DNAH2: variants seen among roughly 807,000 people sequenced by gnomAD.
DNAH2 encodes the protein dynein axonemal heavy chain 2, also known as axonemal beta dynein heavy chain 2.
DNAH2 carries 323 observed loss-of-function variants against 523.5 expected under a neutral mutation model. The ratio of observed to expected loss-of-function variants is 0.62; its 90% CI spans 0.56 to 0.68. The LOEUF is 0.68. Ranked by LOEUF, DNAH2 falls within the 30% of genes least tolerant of loss-of-function variation. The pLI, the probability that DNAH2 is intolerant of heterozygous loss-of-function variation, is 0.00. For missense variants in DNAH2, 4,907 were observed against 5,701.5 expected (o/e 0.86, Z 4.49); for synonymous variants, 2,093 against 2,177.4 (o/e 0.96, Z 1.08).
Position 7,792,844 on chromosome 17 carries a change from A to C in DNAH2, c.7333A>C (p.Met2445Leu). The change falls in exon 47 of 86, where the codon ATG (methionine) becomes CTG (leucine). Residue 2445 changes from methionine (M) to leucine (L), a missense_variant. Around this residue, in one of 3 missense-constraint regions of DNAH2, gnomAD observed 2,806 missense variants for 3,190.8 expected, o/e 0.88. Coordinates refer to ENST00000572933, the MANE Select transcript of DNAH2 (RefSeq NM_020877.5). Reference sequence around the variant, plus strand: ...CCAGTGGTCGGTGCTCGTTGTCAACATGTCCGCACAGGTGTGTCGGGGATC... The same window carrying C: ...CCAGTGGTCGGTGCTCGTTGTCAACCTGTCCGCACAGGTGTGTCGGGGATC... ...SSQWSVLVVN[M>L]SAQTTSNNVQ... is the part of the protein sequence containing the mutation. 6.2e-7 allele frequency: 1 copy of C among 1,613,916 alleles called. No homozygotes were observed. The highest frequency in any genetic ancestry group is 1.1e-5 in the South Asian group (1 of 91,084).
At chr17:7,803,648 T>TGACA (rs1294695858) in intron 58 of DNAH2, among the ~76,000 whole-genome samples, 1 of 149,328 alleles carries the variant, frequency 6.7e-6, no homozygotes, top group African/African-American at 2.5e-5. Context: ...CCAGCCTGGG[T>TGACA]GACAGATCGA....
At position 7,792,822 on chromosome 17, in the gene DNAH2, G is replaced by C; in HGVS notation, c.7311G>C (p.Gln2437His). ...QSVLQSLPSS[Q>H]WSVLVVNMSA... ...TTCTGCAGTCCCTGCCCTCCAGCCA[G>C]TGGTCGGTGCTCGTTGTCAACATGT... Residue 2437 changes from glutamine (Q) to histidine (H), a missense_variant, in exon 47 of 86, where the codon CAG (glutamine) becomes CAC (histidine). This residue lies in a region of DNAH2 where 2,806 missense variants were observed against 3,190.8 expected (regional missense o/e 0.88). Transcript: ENST00000572933. The C allele has an allele frequency of 1.9e-6, 3 of 1,614,202 alleles. No homozygotes were observed. In the South Asian group the frequency reaches 3.3e-5, roughly 18 times the overall value.
chr17:7,805,447 C>T (rs1597721955), intron 61 of DNAH2, 54 bp downstream of exon 61: 4 of 1,608,960 alleles, frequency 2.5e-6, no homozygotes, highest in South Asian at 1.1e-5. Flanking sequence ...GTTTATTGAT[C>T]GTCGGCTGTG....
chr17:7,811,013 G>A (rs912098958), intron 63 of DNAH2, among the ~76,000 whole-genome samples: 1 of 152,206 alleles, frequency 6.6e-6, no homozygotes, highest in South Asian at 2.1e-4. Context: ...AAATGGGTCA[G>A]AACAGAATCT....
chr17:7,780,996 T>C lies in DNAH2; in HGVS notation c.6004-46T>C, dbSNP rs372032903. 5.0e-6 allele frequency: 8 copies of C among 1,612,936 alleles called. No homozygotes were observed. Among genetic ancestry groups the C allele is most frequent in the Admixed American group, 1.7e-5 (1 of 60,008 alleles). ...CGAAGCCCTTTGGAGGTGAAAGGCCTAGGCCCTGCCTCCTCAAGCCTGAGT... is the reference window on the plus strand; with the variant it reads ...CGAAGCCCTTTGGAGGTGAAAGGCCCAGGCCCTGCCTCCTCAAGCCTGAGT... On this transcript the variant is annotated intron_variant, in intron 38 of 85. Coordinates refer to ENST00000572933, the MANE Select transcript of DNAH2 (RefSeq NM_020877.5). The surrounding 1 kb of genome is among the most constrained non-coding windows in gnomAD (Gnocchi z 4.4).
intron 52 of DNAH2, 25 bp from the exon 53 acceptor site, chr17:7,797,655 C>G (rs757126125): frequency 1.2e-6 from 2 of 1,614,042 alleles, no homozygotes; most frequent in Non-Finnish European, 1.7e-6. Flanking sequence ...ATTTGTGACT[C>G]TGATCCCCTC....
At chr17:7,787,233 G>GA (rs1482212508) in intron 42 of DNAH2, 200 bp downstream of exon 42, 1 of 687,930 alleles carries the variant, frequency 1.5e-6, no homozygotes. Flanking sequence ...ACAATGATAA[G>GA]AAAAACACCC....
Position 7,831,663 on chromosome 17 carries a change from T to G in DNAH2, c.12614T>G (p.Phe4205Cys). The G allele has an allele frequency of 6.2e-7, 1 of 1,614,088 alleles. No individual in the cohort carries two copies. The highest frequency in any genetic ancestry group is 8.5e-7 in the Non-Finnish European group (1 of 1,179,962). The change falls in exon 82 of 86, where the codon TTC becomes TGC. Residue 4205 changes from phenylalanine to cysteine, a missense_variant and splice_region_variant. Physicochemically the swap from Phe to Cys is radical, Grantham distance 205 (BLOSUM62 -2). Around this residue, in one of 3 missense-constraint regions of DNAH2, gnomAD observed 1,851 missense variants for 2,139.4 expected, o/e 0.87. Coordinates refer to ENST00000572933, the MANE Select transcript of DNAH2 (RefSeq NM_020877.5). This position sits in a 1 kb window ranked among gnomAD's most constrained non-coding sequence, Gnocchi z 4.2. ...RYNTLMQTIL[F>C]SLTDLEKGIQ... ...ACACTCCACCTCATCCTGCTCAGGT[T>G]CTCACTGACAGACCTAGAGAAAGGC...
At position 7,821,534 on chromosome 17, in the gene DNAH2, G is replaced by A. The variant is rs750044879; in HGVS notation, c.11142+165G>A. On this transcript the variant is annotated intron_variant, in intron 73 of 85. Coordinates refer to ENST00000572933, the MANE Select transcript of DNAH2 (RefSeq NM_020877.5). This position sits in a 1 kb window ranked among gnomAD's most constrained non-coding sequence, Gnocchi z 5.0. ...TGCATGGTGAGCTCCCTGGGGCTGC[G>A]GAGGTGACTTGCCATGCACCCCCTT... is the stretch of plus-strand genomic sequence containing the variant. 6.6e-5 allele frequency among the ~76,000 whole-genome samples: 10 copies of A among 152,154 alleles called. No individual in the cohort carries two copies. Among genetic ancestry groups the A allele is most frequent in the Non-Finnish European group, 1.2e-4 (8 of 68,028 alleles).
intron 42 of DNAH2, chr17:7,787,524 C>G (rs1018723846): frequency 3.9e-6 from 1 of 254,040 alleles, no homozygotes. Context: ...CACTTGAGGT[C>G]AGGAGTTCAA....
At position 7,807,386 on chromosome 17, in the gene DNAH2, C is replaced by T. The variant is rs1388005460; in HGVS notation, c.9612+67C>T. The stretch of plus-strand genomic sequence containing the variant: ...GCCTGGGGGAGTGCGGATGCACAGA[C>T]CCAGGTGGAAGGAGGGGATGCCTGG... On this transcript the variant is annotated intron_variant, in intron 62 of 85. Coordinates refer to ENST00000572933, the MANE Select transcript of DNAH2 (RefSeq NM_020877.5). The surrounding 1 kb of genome is among the most constrained non-coding windows in gnomAD (Gnocchi z 5.6). 1.9e-6 allele frequency: 3 copies of T among 1,604,242 alleles called. No homozygotes were observed. Among genetic ancestry groups the T allele is most frequent in the Non-Finnish European group, 2.6e-6 (3 of 1,176,322 alleles).
intron 3 of DNAH2, among the ~76,000 whole-genome samples, 159 bp from the exon 4 acceptor site, chr17:7,726,962 GT>G (rs1415784852): frequency 1.3e-5 from 2 of 152,080 alleles, no homozygotes; most frequent in Non-Finnish European, 2.9e-5. Context: ...TTATTTTTCT[GT>G]TTCTTCCAAA....
chr17:7,757,205 A>G lies in DNAH2; in HGVS notation c.2019A>G (p.Glu673=), dbSNP rs2075867876. ...ERAEDLRILR[E]NLLLVARDYN... Reference sequence around the variant, plus strand: ...CCGAGGACCTGCGCATTCTGCGTGAAAATCTGCTACTCGTTGCTAGAGACT... The same window carrying G: ...CCGAGGACCTGCGCATTCTGCGTGAGAATCTGCTACTCGTTGCTAGAGACT... The change falls in exon 13 of 86, where the codon GAA becomes GAG. Residue 673 remains glutamate (E), a synonymous_variant. Transcript: ENST00000572933. 6.2e-7 allele frequency: 1 copy of G among 1,614,168 alleles called. No homozygotes were observed.
chr17:7,793,076 C>A lies in DNAH2; in HGVS notation c.7440C>A (p.Thr2480=). The stretch of plus-strand genomic sequence containing the variant: ...CATTCGGGGGCAAAAGCATGATCAC[C>A]TTTATGGATGACCTAAATATGCCCG... ...YVPFGGKSMI[T]FMDDLNMPAK... Residue 2480 remains threonine (T), a synonymous_variant, in exon 48 of 86, where the codon ACC becomes ACA. Transcript: ENST00000572933. 6.2e-7 allele frequency: 1 copy of A among 1,614,222 alleles called. No individual in the cohort carries two copies. The highest frequency in any genetic ancestry group is 8.5e-7 in the Non-Finnish European group (1 of 1,180,040).
At chr17:7,772,043 C>T (rs1033628812) in intron 28 of DNAH2, among the ~76,000 whole-genome samples, 6 of 152,122 alleles carry the variant, frequency 3.9e-5, no homozygotes, top group African/African-American at 7.2e-5. Flanking sequence ...AGCAGATTAA[C>T]TAGCCTTCAG....
chr17:7,818,358 T>C lies in DNAH2; in HGVS notation c.10434T>C (p.Asn3478=), dbSNP rs905838226. ...TTGGCGATAAGGAGGTGGAATATAA[T>C]ACCAATTTCCGTTTCTACATCACCA... ...MRIGDKEVEY[N]TNFRFYITTK... is the part of the protein sequence containing the mutation. Residue 3478 remains asparagine, a synonymous_variant, in exon 69 of 86, where the codon AAT becomes AAC. Transcript: ENST00000572933. 19 of 1,614,034 alleles carry C rather than the reference T, an allele frequency of 1.2e-5. No individual in the cohort carries two copies. Among genetic ancestry groups the C allele is most frequent in the Non-Finnish European group, 1.4e-5 (17 of 1,180,024 alleles).
At chr17:7,743,583 C>T in intron 12 of DNAH2, 1 of 552,720 alleles carries the variant, frequency 1.8e-6, no homozygotes, top group East Asian at 3.1e-5. Flanking sequence ...GGAGGATCGC[C>T]TGAGCCCGGG....
rs759151175 is a variant in DNAH2 at position 7,787,074 on chromosome 17, G to A, written c.6603+41G>A. ...GACTCCTGGAGGCCTGCAGAGGCAGGCACCGGAGGGCGTGGGCCGGGGCTG... is the reference window on the plus strand; with the variant it reads ...GACTCCTGGAGGCCTGCAGAGGCAGACACCGGAGGGCGTGGGCCGGGGCTG... On this transcript the variant is annotated intron_variant, in intron 42 of 85. Coordinates refer to ENST00000572933, the MANE Select transcript of DNAH2 (RefSeq NM_020877.5). 17 of 1,608,350 alleles carry A rather than the reference G, an allele frequency of 1.1e-5. No homozygotes were observed. In the South Asian group the frequency reaches 1.5e-4, roughly 15 times the overall value.
chr17:7,798,075 G>T lies in DNAH2; in HGVS notation c.8231-82G>T, dbSNP rs1309377185. ...TGGTTCCTCTGCTTCAGTTTCAGGG[G>T]CCCCAATCCCTAGCCTAGGGCCTGG... On this transcript the variant is annotated intron_variant, in intron 53 of 85. Coordinates refer to ENST00000572933, the MANE Select transcript of DNAH2 (RefSeq NM_020877.5). The surrounding 1 kb of genome is among the most constrained non-coding windows in gnomAD (Gnocchi z 5.5). 14 of 1,499,318 alleles carry T rather than the reference G, an allele frequency of 9.3e-6. No homozygotes were observed. Among genetic ancestry groups the T allele is most frequent in the Non-Finnish European group, 1.2e-5 (14 of 1,126,576 alleles). The allele number at this position is 1,499,318 out of a possible 1,614,324, so 92.9% of individuals were successfully genotyped here.
Sources: allele counts gnomAD v4.1 joint callset (sites outside exome capture counted in the v4.1 genomes callset), GRCh38; gene constraint gnomAD v4.1.1; regional missense constraint gnomAD v4.1.1; non-coding constraint Gnocchi (gnomAD v3.1); transcripts MANE v1.5; gene names NCBI Gene and HGNC (gene_info 2026-07-23, HGNC 2026-07-21).